Variants in RDX observed in about 807,000 individuals in gnomAD.
RDX encodes radixin.
A neutral mutation model predicts 83.7 loss-of-function variants in RDX; 32 were observed. The ratio of observed to expected loss-of-function variants is 0.38; its 90% CI spans 0.29 to 0.51. The LOEUF (loss-of-function observed/expected upper bound fraction) is 0.51, where lower values mean the gene tolerates loss of function less well. RDX is among the 20% of genes least tolerant of loss of function. The probability of loss-of-function intolerance (pLI) is 0.87; values close to 1 mark genes in which losing one functional copy is unlikely to be tolerated. For missense variants in RDX, 600 were observed against 689.9 expected (o/e 0.87, Z 1.46); for synonymous variants, 229 against 222.7 (o/e 1.03, Z -0.25).
chr11:110,272,045 T>A (rs1004999843), intron 3 of RDX, among the ~76,000 whole-genome samples: 4 of 152,232 alleles, frequency 2.6e-5, no homozygotes, highest in Admixed American at 2.6e-4. Context: ...AAAACATAAA[T>A]GAATTTTGTG....
intron 5 of RDX, among the ~76,000 whole-genome samples, chr11:110,261,857 C>T (rs1298621790): frequency 6.6e-6 from 1 of 152,144 alleles, no homozygotes; most frequent in Non-Finnish European, 1.5e-5. Flanking sequence ...TTAAAATAAA[C>T]TGTGCTTGTG....
chr11:110,207,894 A>C (rs768221738), intron 14 of RDX, among the ~76,000 whole-genome samples: 2 of 152,216 alleles, frequency 1.3e-5, no homozygotes, highest in East Asian at 1.9e-4. Context: ...AAAGCAAAAT[A>C]TAATTACAGT....
At chr11:110,295,321 A>AG (rs1270302377) in intron 1 of RDX, among the ~76,000 whole-genome samples, 3 of 151,406 alleles carry the variant, frequency 2.0e-5, no homozygotes, top group Non-Finnish European at 2.9e-5. Flanking sequence ...AAAAAAAAAA[A>AG]AAAAAAGAAG....
chr11:110,218,101 C>T (rs1482366584), intron 14 of RDX, among the ~76,000 whole-genome samples: 1 of 152,184 alleles, frequency 6.6e-6, no homozygotes, highest in African/African-American at 2.4e-5. Context: ...GGCATAATCT[C>T]AGTGACTTGA....
chr11:110,243,806 A>G (rs989355476), intron 10 of RDX, among the ~76,000 whole-genome samples: 9 of 152,226 alleles, frequency 5.9e-5, no homozygotes, highest in Non-Finnish European at 1.2e-4. Context: ...TATGCAATAA[A>G]AACTATAAAA....
At chr11:110,212,255 G>GA (rs1863865039) in intron 14 of RDX, among the ~76,000 whole-genome samples, 1 of 152,052 alleles carries the variant, frequency 6.6e-6, no homozygotes, top group Non-Finnish European at 1.5e-5. Context: ...TAAATTCCTG[G>GA]ACACATACAT....
chr11:110,177,103 C>T (rs1862789630), intron 15 of RDX, among the ~76,000 whole-genome samples: 1 of 152,232 alleles, frequency 6.6e-6, no homozygotes, highest in South Asian at 2.1e-4. Flanking sequence ...TTCTGTCAAG[C>T]TGTAAAGCAA....
At chr11:110,292,335 C>T (rs1861277801) in intron 1 of RDX, among the ~76,000 whole-genome samples, 2 of 151,808 alleles carry the variant, frequency 1.3e-5, no homozygotes, top group Admixed American at 6.6e-5. Context: ...TGGCACACGC[C>T]TGTGTTGGCA....
At chr11:110,255,259 A>T in intron 8 of RDX, 30 bp downstream of exon 8, 1 of 1,127,452 alleles carries the variant, frequency 8.9e-7, no homozygotes, top group Non-Finnish European at 1.3e-6. Context: ...TTAAACAGTT[A>T]ATACACAAAA....
Position 110,232,036 on chromosome 11 carries a change from A to C in RDX, c.1588-3T>G. ...TGGGCTAATTCTGAACTTAATGCCTATTTAAAAAATAAAAAGTACAACTAT... is the reference window on the plus strand; with the variant it reads ...TGGGCTAATTCTGAACTTAATGCCTCTTTAAAAAATAAAAAGTACAACTAT... On this transcript the variant is annotated splice_region_variant and splice_polypyrimidine_tract_variant and intron_variant, in intron 13 of 13. Coordinates refer to ENST00000645495, the MANE Select transcript of RDX (RefSeq NM_002906.4). The C allele has an allele frequency of 6.2e-7, 1 of 1,607,732 alleles. No homozygotes were observed.
chr11:110,221,601 AACACACACACACACAC>A (rs60766252), intron 14 of RDX, among the ~76,000 whole-genome samples: 11 of 133,596 alleles, frequency 8.2e-5, no homozygotes, highest in South Asian at 2.6e-4. Context: ...CTGTCTCCAA[AACACACACACACACAC>A]ACACACACAC....
At chr11:110,267,353 A>C (rs1182090049) in intron 3 of RDX, among the ~76,000 whole-genome samples, 1 of 152,070 alleles carries the variant, frequency 6.6e-6, no homozygotes, top group Non-Finnish European at 1.5e-5. Context: ...TCTCTGCTAA[A>C]AATACAAAAA....
At position 110,254,483 on chromosome 11, in the gene RDX, CT is replaced by C. The variant is rs879539387; in HGVS notation, c.796-375del. On this transcript the variant is annotated intron_variant, in intron 8 of 13. Coordinates refer to ENST00000645495, the MANE Select transcript of RDX (RefSeq NM_002906.4). The stretch of plus-strand genomic sequence containing the variant: ...GAGTTTTTTTTAACCTAGAATTGTT[CT>C]TTTTTTTTTTTGAGACGGAGTCTTG... Among the ~76,000 whole-genome samples the C allele has an allele frequency of 7.4e-3, 1,062 of 144,294 alleles. 18 individuals carry two copies. The highest frequency in any genetic ancestry group is 0.022 in the African/African-American group (860 of 39,692). The allele number at this position is 144,294 out of a possible 152,430, so 94.7% of individuals were successfully genotyped here.
At chr11:110,244,064 A>T (rs1462576161) in intron 10 of RDX, among the ~76,000 whole-genome samples, 1 of 152,202 alleles carries the variant, frequency 6.6e-6, no homozygotes, top group African/African-American at 2.4e-5. Context: ...GAATGTTCAT[A>T]ACAGCATTAG....
intron 14 of RDX, among the ~76,000 whole-genome samples, chr11:110,201,802 C>T (rs1591507254): frequency 6.6e-6 from 1 of 152,266 alleles, no homozygotes; most frequent in East Asian, 1.9e-4. Context: ...ATGGCGCCGT[C>T]TTGGCTCACT....
At chr11:110,201,627 G>A (rs768636042) in intron 14 of RDX, among the ~76,000 whole-genome samples, 3 of 152,194 alleles carry the variant, frequency 2.0e-5, no homozygotes, top group African/African-American at 4.8e-5. Flanking sequence ...CACAACACAG[G>A]AGGCTCAGGA....
At chr11:110,236,061 G>A in intron 12 of RDX, 38 bp downstream of exon 12, 1 of 1,382,618 alleles carries the variant, frequency 7.2e-7, no homozygotes, top group Non-Finnish European at 1.0e-6. Flanking sequence ...GGGTATAAAA[G>A]CTATTCAATA....
At chr11:110,291,854 C>A (rs1413856543) in intron 1 of RDX, among the ~76,000 whole-genome samples, 1 of 152,168 alleles carries the variant, frequency 6.6e-6, no homozygotes. Flanking sequence ...TTTGGCCAGG[C>A]ATGGTGGCTC....
At position 110,273,627 on chromosome 11, in the gene RDX, C is replaced by G. The variant is rs949513348; in HGVS notation, c.13-1008G>C. Among the ~76,000 whole-genome samples the G allele has an allele frequency of 1.2e-4, 18 of 152,260 alleles. 1 individual carries two copies. The highest frequency in any genetic ancestry group is 7.3e-5 in the Non-Finnish European group (5 of 68,044). ...ATTTTATTGTGTAAATACCTAATAT[C>G]TCAAAAACTTAACACGCCTTACCAA... On this transcript the variant is annotated intron_variant, in intron 2 of 13. Coordinates refer to ENST00000645495, the MANE Select transcript of RDX (RefSeq NM_002906.4).
Sources: allele counts gnomAD v4.1 joint callset (sites outside exome capture counted in the v4.1 genomes callset), GRCh38; gene constraint gnomAD v4.1.1; transcripts MANE v1.5; gene names NCBI Gene and HGNC (gene_info 2026-07-23, HGNC 2026-07-21).